The following LRP2 variants were observed in gnomAD, a reference collection of about 807,000 sequenced individuals.
LRP2 encodes the protein low-density lipoprotein receptor-related protein 2.
In LRP2, 172 loss-of-function variants were observed where a neutral mutation model predicts 531.0. That is an observed-to-expected ratio of 0.32 (90% CI 0.29 to 0.37). The LOEUF (loss-of-function observed/expected upper bound fraction) is 0.37, where lower values mean the gene tolerates loss of function less well. LRP2 is among the 10% of genes least tolerant of loss of function. The probability of loss-of-function intolerance (pLI) is 1.00; values close to 1 mark genes in which losing one functional copy is unlikely to be tolerated. For missense variants in LRP2, 5,167 were observed against 5,868.3 expected (o/e 0.88, Z 3.90); for synonymous variants, 1,992 against 2,027.6 (o/e 0.98, Z 0.47).
chr2:169,132,638 G>A lies in LRP2; in HGVS notation c.13664C>T (p.Pro4555Leu). ...TGGAACTATCTCAGAAGGGTTTATG[G>A]GACTTCCATAATTCTTATTATCCAC... ...ENVDNKNYGSPINPSEIVPET... is the reference protein window; with the variant it reads ...ENVDNKNYGSLINPSEIVPET... Residue 4555 changes from proline to leucine, a missense_variant, in exon 77 of 79, where the codon CCC (proline) becomes CTC (leucine). Transcript: ENST00000649046. 1.2e-6 allele frequency: 2 copies of A among 1,610,434 alleles called. No individual in the cohort carries two copies. Among genetic ancestry groups the A allele is most frequent in the Non-Finnish European group, 1.7e-6 (2 of 1,176,808 alleles).
chr2:169,148,572 G>A (rs1686006394), intron 68 of LRP2, among the ~76,000 whole-genome samples: 1 of 152,074 alleles, frequency 6.6e-6, no homozygotes, highest in African/African-American at 2.4e-5. Context: ...AGGCTGCAGT[G>A]AGCTATGATC....
chr2:169,326,740 T>C (rs1462333889), intron 1 of LRP2, among the ~76,000 whole-genome samples: 4 of 149,744 alleles, frequency 2.7e-5, no homozygotes, highest in African/African-American at 5.0e-5. Flanking sequence ...GGAGCGTCTC[T>C]GCCCGGCCGC....
intron 1 of LRP2, among the ~76,000 whole-genome samples, chr2:169,324,630 GAAAAA>G (rs11324299): frequency 7.1e-6 from 1 of 141,616 alleles, no homozygotes; most frequent in Non-Finnish European, 1.6e-5. Context: ...AAAGCTAGGG[GAAAAA>G]AAAAAAAAAA....
At chr2:169,360,726 AG>A (rs1222775824) in intron 1 of LRP2, among the ~76,000 whole-genome samples, 1 of 152,208 alleles carries the variant, frequency 6.6e-6, no homozygotes, top group Non-Finnish European at 1.5e-5. Context: ...GGGTGTTCAA[AG>A]GAAGGTTATT....
At position 169,300,766 on chromosome 2, in the gene LRP2, G is replaced by A. The variant is rs551302172; in HGVS notation, c.428-6056C>T. On this transcript the variant is annotated intron_variant, in intron 4 of 78. Coordinates refer to ENST00000649046, the MANE Select transcript of LRP2 (RefSeq NM_004525.3). ...GACAGGTAAGATGGGGTCCTTTGGA[G>A]AGTCGCCTGCTTCTTCTTTCTGGCT... 4.6e-5 allele frequency among the ~76,000 whole-genome samples: 7 copies of A among 152,168 alleles called. 1 individual carries two copies. Among genetic ancestry groups the A allele is most frequent in the African/African-American group, 1.7e-4 (7 of 41,522 alleles).
intron 28 of LRP2, 52 bp downstream of exon 28, chr2:169,237,051 T>C (rs970766994): frequency 2.1e-6 from 3 of 1,461,234 alleles, no homozygotes; most frequent in Non-Finnish European, 2.9e-6. Flanking sequence ...ACTGTTGTTT[T>C]TCCCTCATCA....
At chr2:169,208,534 G>C (rs754804381) in intron 38 of LRP2, among the ~76,000 whole-genome samples, 1 of 152,046 alleles carries the variant, frequency 6.6e-6, no homozygotes, top group Non-Finnish European at 1.5e-5. Context: ...TCGGCCCACT[G>C]CAACCTCCAC....
intron 59 of LRP2, among the ~76,000 whole-genome samples, chr2:169,170,162 T>A (rs1191384713): frequency 6.6e-6 from 1 of 151,850 alleles, no homozygotes; most frequent in Non-Finnish European, 1.5e-5. Context: ...GGGTTTAGGA[T>A]TACTCTGTCA....
chr2:169,147,951 A>T (rs1685977848), intron 68 of LRP2, among the ~76,000 whole-genome samples: 3 of 152,134 alleles, frequency 2.0e-5, no homozygotes, highest in South Asian at 2.1e-4. Flanking sequence ...AAAAAAAAAA[A>T]AATCTTAAAG....
chr2:169,305,944 T>C (rs1032192471), intron 4 of LRP2, among the ~76,000 whole-genome samples: 3 of 152,236 alleles, frequency 2.0e-5, no homozygotes, highest in Non-Finnish European at 4.4e-5. Context: ...CTAGGGTATA[T>C]ACTGTTTACC....
chr2:169,327,313 G>A (rs1685108537), intron 1 of LRP2, among the ~76,000 whole-genome samples: 1 of 113,614 alleles, frequency 8.8e-6, no homozygotes, highest in African/African-American at 3.2e-5. Context: ...GGAGGGAGGT[G>A]GGGTCAGCCC....
intron 61 of LRP2, 26 bp from the exon 62 acceptor site, chr2:169,166,080 A>C (rs1558990045): frequency 4.3e-6 from 7 of 1,613,086 alleles, no homozygotes; most frequent in Non-Finnish European, 5.9e-6. Flanking sequence ...GAAAAATGAA[A>C]TTACAAGTTA....
In LRP2 at chr2:169,255,400, G is replaced by A. The variant is rs1018768592; in HGVS notation, c.2770+706C>T. ...AAACTCAACTCACAGCAGCATGCCT[G>A]CACTCAAATGGGGAGCTGAGAAGAC... is the stretch of plus-strand genomic sequence containing the variant. On this transcript the variant is annotated intron_variant, in intron 19 of 78. Transcript: ENST00000649046. Among the ~76,000 whole-genome samples the A allele has an allele frequency of 5.9e-5, 9 of 152,208 alleles. 2 individuals carry two copies. Among genetic ancestry groups the A allele is most frequent in the Admixed American group, 5.9e-4 (9 of 15,272 alleles).
At chr2:169,263,916 A>G (rs1411097278) in intron 16 of LRP2, among the ~76,000 whole-genome samples, 1 of 152,190 alleles carries the variant, frequency 6.6e-6, no homozygotes, top group African/African-American at 2.4e-5. Flanking sequence ...CTATGCAGCC[A>G]TAAAAAATGA....
At chr2:169,357,288 A>ATTTT (rs869177963) in intron 1 of LRP2, among the ~76,000 whole-genome samples, 1 of 130,242 alleles carries the variant, frequency 7.7e-6, no homozygotes, top group African/African-American at 2.8e-5. Context: ...TTTTTTATTT[A>ATTTT]TTTTTATTTT....
rs1453906898 is a variant in LRP2 at position 169,254,387 on chromosome 2, G to A, written c.2770+1719C>T. 1.0e-4 allele frequency among the ~76,000 whole-genome samples: 8 copies of A among 77,066 alleles called. 1 individual carries two copies. The highest frequency in any genetic ancestry group is 1.8e-3 in the South Asian group (2 of 1,098). 50.6% of individuals were successfully genotyped at this position (77,066 alleles called of 152,430 possible). The stretch of plus-strand genomic sequence containing the variant: ...AAACCATCATTCTCAGTAAACTATC[G>A]CAAGAACAAAAAACCAAACACTGCA... On this transcript the variant is annotated intron_variant, in intron 19 of 78. Coordinates refer to ENST00000649046, the MANE Select transcript of LRP2 (RefSeq NM_004525.3).
chr2:169,301,017 G>C (rs1684273127), intron 4 of LRP2, among the ~76,000 whole-genome samples: 1 of 151,974 alleles, frequency 6.6e-6, no homozygotes, highest in Non-Finnish European at 1.5e-5. Flanking sequence ...AAAACTTCTG[G>C]GACAAAGCAG....
intron 59 of LRP2, 68 bp from the exon 60 acceptor site, chr2:169,169,886 T>A: frequency 9.4e-7 from 1 of 1,066,438 alleles, no homozygotes; most frequent in South Asian, 1.3e-5. Context: ...GTACCTGGAG[T>A]ATAGTGGTTA....
chr2:169,303,555 C>A (rs1447425622), intron 4 of LRP2, among the ~76,000 whole-genome samples: 1 of 152,214 alleles, frequency 6.6e-6, no homozygotes, highest in Non-Finnish European at 1.5e-5. Context: ...ATCCCCTATA[C>A]TAGCATTTTC....
Sources: gnomAD v4.1 joint callset for allele counts (sites outside exome capture counted in the v4.1 genomes callset) on GRCh38, gnomAD v4.1.1 for gene constraint, MANE v1.5 for transcripts, NCBI Gene and HGNC (gene_info 2026-07-23, HGNC 2026-07-21) for gene names.